Variants in TMEM135 observed in about 807,000 individuals in gnomAD.
TMEM135 encodes transmembrane protein 135.
A neutral mutation model predicts 60.3 loss-of-function variants in TMEM135; 30 were observed. That is an observed-to-expected ratio of 0.50 (90% CI 0.37 to 0.68). The LOEUF is 0.68. Among genes scored for constraint, TMEM135 ranks in the 30% least tolerant of loss-of-function variants. The pLI is 0.00. For synonymous variants in TMEM135, 190 were observed against 186.7 expected, an observed-to-expected ratio of 1.02 and a Z score of -0.14; for missense variants, 468 against 548.8, an observed-to-expected ratio of 0.85 and a Z score of 1.47.
At chr11:87,094,057 TTC>T (rs1857268837) in intron 4 of TMEM135, among the ~76,000 whole-genome samples, 1 of 152,186 alleles carries the variant, frequency 6.6e-6, no homozygotes, top group Non-Finnish European at 1.5e-5. Flanking sequence ...TATTATAATT[TTC>T]TTTTAAAAAA....
chr11:87,213,322 T>A (rs964759202), intron 5 of TMEM135, among the ~76,000 whole-genome samples: 2 of 152,190 alleles, frequency 1.3e-5, no homozygotes, highest in African/African-American at 4.8e-5. Context: ...TAAATGTAAC[T>A]TCTATTACTA....
In TMEM135 at chr11:87,116,267, A is replaced by G. The variant is rs1312047336; in HGVS notation, c.396+24872A>G. ...TCTGAATAATTGTTAGCCTTTATAA[A>G]CATAGTTTTACTGTGCCTAAAATAA... is the stretch of plus-strand genomic sequence containing the variant. On this transcript the variant is annotated intron_variant, in intron 4 of 14. Coordinates refer to ENST00000305494, the MANE Select transcript of TMEM135 (RefSeq NM_022918.4). 2.6e-5 allele frequency among the ~76,000 whole-genome samples: 4 copies of G among 152,130 alleles called. No individual in the cohort carries two copies. In the East Asian group the frequency reaches 7.7e-4, roughly 29 times the overall value.
chr11:87,094,532 C>G (rs1206956965), intron 4 of TMEM135, among the ~76,000 whole-genome samples: 3 of 152,096 alleles, frequency 2.0e-5, no homozygotes, highest in African/African-American at 7.2e-5. Flanking sequence ...CTAGTCTTTC[C>G]TCTGTCTCAT....
At chr11:87,161,862 A>C (rs916509785) in intron 5 of TMEM135, among the ~76,000 whole-genome samples, 36 of 152,236 alleles carry the variant, frequency 2.4e-4, no homozygotes, top group Non-Finnish European at 4.3e-4. Context: ...TGGAAAGAGA[A>C]ATATACCTGC....
chr11:87,156,891 G>A (rs549112536), intron 4 of TMEM135, among the ~76,000 whole-genome samples: 7 of 152,006 alleles, frequency 4.6e-5, no homozygotes, highest in East Asian at 1.9e-4. Flanking sequence ...AAACTAATTC[G>A]AAACTATAGT....
chr11:87,191,720 G>C (rs1939803085), intron 5 of TMEM135, among the ~76,000 whole-genome samples: 1 of 152,102 alleles, frequency 6.6e-6, no homozygotes, highest in Non-Finnish European at 1.5e-5. Flanking sequence ...TTGCAACAGT[G>C]TTGACAATTG....
chr11:87,122,463 A>ATTTATTTATTTATTAT (rs369588006), intron 4 of TMEM135, among the ~76,000 whole-genome samples: 1 of 74,766 alleles, frequency 1.3e-5, no homozygotes, highest in Non-Finnish European at 2.4e-5. Flanking sequence ...TTATTTATTT[A>ATTTATTTATTTATTAT]TTATTTATTT....
At position 87,067,927 on chromosome 11, in the gene TMEM135, C is replaced by CA; in HGVS notation, c.269+106_269+107insA. 14 of 1,394,978 alleles carry CA rather than the reference C, an allele frequency of 1.0e-5. No homozygotes were observed. The South Asian group carries it at 1.6e-4, about 16-fold the overall frequency. The allele number at this position is 1,394,978 out of a possible 1,614,324, so 86.4% of individuals were successfully genotyped here. ...ATGTGGGTTACTATCCCCGCCCCCC[C>CA]TTTTTTTAATCTGTGAAGTGACATT... On this transcript the variant is annotated intron_variant, in intron 2 of 14. Transcript: ENST00000305494.
intron 1 of TMEM135, among the ~76,000 whole-genome samples, chr11:87,057,117 T>C (rs1242596848): frequency 6.6e-6 from 1 of 152,234 alleles, no homozygotes; most frequent in Non-Finnish European, 1.5e-5. Context: ...ATGGGTATAA[T>C]ATACGCAGGA....
At chr11:87,205,386 A>T (rs1377827024) in intron 5 of TMEM135, among the ~76,000 whole-genome samples, 2 of 152,216 alleles carry the variant, frequency 1.3e-5, no homozygotes, top group African/African-American at 4.8e-5. Context: ...CATTAGAAAG[A>T]CATATCTCTC....
At chr11:87,200,576 T>C (rs1020533307) in intron 5 of TMEM135, among the ~76,000 whole-genome samples, 3 of 152,188 alleles carry the variant, frequency 2.0e-5, no homozygotes, top group Non-Finnish European at 2.9e-5. Flanking sequence ...CACTCCAGAA[T>C]GATATACTTT....
intron 1 of TMEM135, among the ~76,000 whole-genome samples, chr11:87,046,032 TA>T (rs766182786): frequency 7.9e-5 from 12 of 152,226 alleles, no homozygotes; most frequent in Admixed American, 4.6e-4. Context: ...TATACTCCTG[TA>T]ATGCAAATTC....
chr11:87,215,431 A>T (rs1940480050), intron 5 of TMEM135, among the ~76,000 whole-genome samples: 1 of 152,278 alleles, frequency 6.6e-6, no homozygotes. Context: ...ATGCAGCTAT[A>T]GTTGTTTGGG....
intron 6 of TMEM135, among the ~76,000 whole-genome samples, chr11:87,268,977 G>T (rs1941807279): frequency 6.6e-6 from 1 of 150,964 alleles, no homozygotes; most frequent in African/African-American, 2.4e-5. Context: ...AGTTTATTTA[G>T]ATTTTTACCT....
At chr11:87,112,396 G>A (rs903218352) in intron 4 of TMEM135, among the ~76,000 whole-genome samples, 2 of 150,148 alleles carry the variant, frequency 1.3e-5, no homozygotes, top group African/African-American at 4.9e-5. Context: ...GTGTTCTGTA[G>A]CTCTCTGGTC....
intron 5 of TMEM135, among the ~76,000 whole-genome samples, chr11:87,197,593 G>A (rs1939990164): frequency 6.7e-6 from 1 of 148,302 alleles, no homozygotes; most frequent in Non-Finnish European, 1.5e-5. Flanking sequence ...TGTTAAAATT[G>A]GTAGTTTTTT....
intron 3 of TMEM135, among the ~76,000 whole-genome samples, chr11:87,075,234 C>G (rs1347040603): frequency 6.6e-6 from 1 of 152,122 alleles, no homozygotes; most frequent in African/African-American, 2.4e-5. Flanking sequence ...TCTCTGTTCA[C>G]TGCAAGCTCC....
At chr11:87,261,676 C>T (rs1941654524) in intron 6 of TMEM135, among the ~76,000 whole-genome samples, 1 of 152,140 alleles carries the variant, frequency 6.6e-6, no homozygotes, top group Admixed American at 6.6e-5. Flanking sequence ...CCCTGGAGTG[C>T]AGTGGCACAG....
intron 4 of TMEM135, among the ~76,000 whole-genome samples, chr11:87,115,128 T>C (rs1857846462): frequency 6.6e-6 from 1 of 152,186 alleles, no homozygotes; most frequent in Non-Finnish European, 1.5e-5. Flanking sequence ...ATAGTGTAGA[T>C]TTAAAATTAT....
Sources: allele counts gnomAD v4.1 joint callset (sites outside exome capture counted in the v4.1 genomes callset), GRCh38; gene constraint gnomAD v4.1.1; transcripts MANE v1.5; gene names NCBI Gene and HGNC (gene_info 2026-07-23, HGNC 2026-07-21).